The following PTPRQ variants were observed in gnomAD, a reference collection of about 807,000 sequenced individuals.
PTPRQ encodes protein tyrosine phosphatase receptor type Q, also known as phosphatidylinositol phosphatase PTPRQ.
In PTPRQ, 199 loss-of-function variants were observed where a neutral mutation model predicts 246.0. The ratio of observed to expected loss-of-function variants is 0.81; its 90% CI spans 0.72 to 0.91. The LOEUF (loss-of-function observed/expected upper bound fraction) is 0.91. Among genes scored for constraint, PTPRQ ranks in the 40% least tolerant of loss-of-function variants. PTPRQ has a pLI of 0.00. For missense variants in PTPRQ, 2,624 were observed against 2,528.4 expected, an observed-to-expected ratio of 1.04 and a Z score of -0.81; for synonymous variants, 869 against 853.2, an observed-to-expected ratio of 1.02 and a Z score of -0.32.
intron 9 of PTPRQ, among the ~76,000 whole-genome samples, chr12:80,493,009 A>T (rs1894496419): frequency 6.6e-6 from 1 of 151,900 alleles, no homozygotes. Context: ...AAAGAAACCA[A>T]CTCAAGTCAG....
intron 19 of PTPRQ, among the ~76,000 whole-genome samples, chr12:80,536,032 G>A (rs1202259210): frequency 6.6e-6 from 1 of 152,148 alleles, no homozygotes; most frequent in African/African-American, 2.4e-5. Flanking sequence ...GCGTCAACCC[G>A]GGAGGCGGAG....
At chr12:80,609,424 TA>T (rs888375479) in intron 27 of PTPRQ, among the ~76,000 whole-genome samples, 8 of 150,676 alleles carry the variant, frequency 5.3e-5, no homozygotes. Flanking sequence ...TCACTGTGTA[TA>T]AAACCTGGTT....
intron 6 of PTPRQ, among the ~76,000 whole-genome samples, chr12:80,467,875 G>T (rs4444144): frequency 0.19 from 28,270 of 152,008 alleles, 2,827 homozygotes; most frequent in Middle Eastern, 0.22. Context: ...GGGCAGGGGG[G>T]AGGTATAGCT....
At chr12:80,645,264 C>T (rs986155477) in intron 35 of PTPRQ, among the ~76,000 whole-genome samples, 29 of 152,062 alleles carry the variant, frequency 1.9e-4, no homozygotes, top group African/African-American at 6.5e-4. Flanking sequence ...TAATTTATAA[C>T]GTTAGGTTAT....
intron 6 of PTPRQ, among the ~76,000 whole-genome samples, chr12:80,466,059 T>C (rs1285598992): frequency 6.6e-6 from 1 of 152,118 alleles, no homozygotes; most frequent in Non-Finnish European, 1.5e-5. Flanking sequence ...AAAGAGGAAG[T>C]CAAAATGTCC....
intron 25 of PTPRQ, among the ~76,000 whole-genome samples, chr12:80,550,801 CTTCATAGGAAATATG>C (rs2047583407): frequency 6.6e-6 from 1 of 152,050 alleles, no homozygotes; most frequent in South Asian, 2.1e-4. Flanking sequence ...CTTGTTTATT[CTTCATAGGAAATATG>C]TTCATAGGAA....
chr12:80,626,162 G>A (rs1182521169), intron 33 of PTPRQ, among the ~76,000 whole-genome samples: 1 of 152,098 alleles, frequency 6.6e-6, no homozygotes, highest in Non-Finnish European at 1.5e-5. Context: ...TGCATCCAAA[G>A]GATTACTTCC....
intron 3 of PTPRQ, among the ~76,000 whole-genome samples, chr12:80,450,511 G>C (rs1425327357): frequency 3.3e-5 from 5 of 151,996 alleles, no homozygotes; most frequent in African/African-American, 1.2e-4. Context: ...ATTGGCTGTG[G>C]GTTTGTCATA....
chr12:80,577,361 G>A (rs1267033421), intron 25 of PTPRQ, among the ~76,000 whole-genome samples: 1 of 151,954 alleles, frequency 6.6e-6, no homozygotes, highest in East Asian at 1.9e-4. Context: ...GCCCATTGAA[G>A]GGGCGAGCCC....
chr12:80,562,579 A>G (rs1404452826), intron 25 of PTPRQ, among the ~76,000 whole-genome samples: 4 of 152,202 alleles, frequency 2.6e-5, no homozygotes, highest in Admixed American at 6.5e-5. Context: ...ATATGCTAAA[A>G]TATATTGAAT....
At chr12:80,464,295 G>T (rs2120504795) in intron 6 of PTPRQ, among the ~76,000 whole-genome samples, 1 of 116,604 alleles carries the variant, frequency 8.6e-6, no homozygotes, top group Middle Eastern at 3.8e-3. Context: ...ATGGTAAAGG[G>T]ATCAATTCAA....
At chr12:80,470,585 A>T (rs915747295) in intron 7 of PTPRQ, among the ~76,000 whole-genome samples, 1 of 152,194 alleles carries the variant, frequency 6.6e-6, no homozygotes. Context: ...GAATAAAGTG[A>T]CATCAATTAA....
At position 80,510,334 on chromosome 12, in the gene PTPRQ, C is replaced by A; in HGVS notation, c.2569C>A (p.Pro857Thr). Residue 857 changes from proline (P) to threonine (T), a missense_variant, in exon 17 of 45, where the codon CCC becomes ACC. By Grantham distance (38) the Pro-to-Thr change is conservative (BLOSUM62 -1). Coordinates refer to ENST00000644991, the MANE Select transcript of PTPRQ (RefSeq NM_001145026.2). ...ILTEEDAPDS[P>T]PQDFSVKQLS... ...CCCTAACTTTACAGCTCCTGATTCT[C>A]CCCCTCAAGACTTCTCTGTAAAACA... is the stretch of plus-strand genomic sequence containing the variant. 6.5e-7 allele frequency: 1 copy of A among 1,545,548 alleles called. No individual in the cohort carries two copies.
intron 23 of PTPRQ, among the ~76,000 whole-genome samples, chr12:80,543,558 C>T (rs1180879589): frequency 6.6e-6 from 1 of 151,764 alleles, no homozygotes; most frequent in Non-Finnish European, 1.5e-5. Context: ...CAAATGAAGT[C>T]CTGGAATGTT....
intron 36 of PTPRQ, 133 bp from the exon 37 acceptor site, chr12:80,649,454 TA>T: frequency 8.1e-7 from 1 of 1,231,312 alleles, no homozygotes; most frequent in Non-Finnish European, 1.1e-6. Flanking sequence ...AGAGTGACTT[TA>T]AAAAGCTGTG....
At chr12:80,480,376 G>A (rs1319554565) in intron 8 of PTPRQ, among the ~76,000 whole-genome samples, 1 of 152,020 alleles carries the variant, frequency 6.6e-6, no homozygotes, top group Non-Finnish European at 1.5e-5. Flanking sequence ...TCAAAGCAGT[G>A]TGTAGAGGGA....
intron 9 of PTPRQ, among the ~76,000 whole-genome samples, chr12:80,491,148 G>A (rs1894436439): frequency 6.6e-6 from 1 of 151,942 alleles, no homozygotes; most frequent in African/African-American, 2.4e-5. Flanking sequence ...ATATGTAATT[G>A]ATGGGATGTT....
At chr12:80,627,177 A>G (rs1899232421) in intron 33 of PTPRQ, among the ~76,000 whole-genome samples, 1 of 151,934 alleles carries the variant, frequency 6.6e-6, no homozygotes, top group Admixed American at 6.6e-5. Context: ...CATCACCTCA[A>G]GCACTTATCA....
intron 27 of PTPRQ, among the ~76,000 whole-genome samples, chr12:80,609,172 T>A (rs1005986156): frequency 9.3e-5 from 14 of 150,502 alleles, no homozygotes; most frequent in East Asian, 7.8e-4. Flanking sequence ...CATCTTTTTT[T>A]TAAAAAAAAA....
Sources: allele counts gnomAD v4.1 joint callset (sites outside exome capture counted in the v4.1 genomes callset), GRCh38; gene constraint gnomAD v4.1.1; transcripts MANE v1.5; gene names NCBI Gene and HGNC (gene_info 2026-07-23, HGNC 2026-07-21).